PHKB: variants seen among roughly 807,000 people sequenced by gnomAD.
PHKB encodes phosphorylase kinase regulatory subunit beta.
A neutral mutation model predicts 152.1 loss-of-function variants in PHKB; 122 were observed. The ratio of observed to expected loss-of-function variants is 0.80; its 90% CI spans 0.69 to 0.93. PHKB has a LOEUF of 0.93. Ranked by LOEUF, PHKB falls within the 40% of genes least tolerant of loss-of-function variation. The pLI, the probability that PHKB is intolerant of heterozygous loss-of-function variation, is 0.00. For synonymous variants in PHKB, 436 were observed against 464.9 expected (o/e 0.94, Z 0.80); for missense variants, 1,304 against 1,328.4 (o/e 0.98, Z 0.29).
intron 6 of PHKB, among the ~76,000 whole-genome samples, chr16:47,527,230 T>C (rs945587923): frequency 2.0e-5 from 3 of 152,094 alleles, no homozygotes; most frequent in Non-Finnish European, 2.9e-5. Context: ...AAAAGAGTTA[T>C]GATGGAAAAT....
At chr16:47,489,724 A>C (rs1272549739) in intron 1 of PHKB, among the ~76,000 whole-genome samples, 2 of 152,190 alleles carry the variant, frequency 1.3e-5, no homozygotes, top group African/African-American at 4.8e-5. Context: ...CAATGGTATG[A>C]GGCCAGTTTT....
chr16:47,684,962 G>C (rs1004858292), intron 26 of PHKB, among the ~76,000 whole-genome samples: 1 of 152,072 alleles, frequency 6.6e-6, no homozygotes, highest in East Asian at 1.9e-4. Flanking sequence ...GCTTGTTGGC[G>C]AGTAGAGCAT....
chr16:47,569,723 C>T (rs762598312), intron 7 of PHKB, among the ~76,000 whole-genome samples: 5 of 152,238 alleles, frequency 3.3e-5, no homozygotes, highest in Non-Finnish European at 5.9e-5. Flanking sequence ...CAGGCTTAAG[C>T]GATCCTCCTA....
At chr16:47,660,290 C>T (rs1597158030) in intron 20 of PHKB, among the ~76,000 whole-genome samples, 1 of 152,166 alleles carries the variant, frequency 6.6e-6, no homozygotes, top group Non-Finnish European at 1.5e-5. Flanking sequence ...GACTCATAAA[C>T]TTGTAACGAT....
rs1974238678 is a variant in PHKB, at chr16:47,700,995, G to A, written c.*1629G>A. The stretch of plus-strand genomic sequence containing the variant: ...GAATGAGACACAGTTGGGCCCTAAA[G>A]AACTAAGGAGGGGGATTGACAAAGA... On this transcript the variant is annotated 3_prime_UTR_variant, in exon 31 of 31. Coordinates refer to ENST00000323584, the MANE Select transcript of PHKB (RefSeq NM_000293.3). The A allele has an allele frequency of 2.0e-5, 3 of 152,150 alleles. No individual in the cohort carries two copies. The highest frequency in any genetic ancestry group is 2.0e-4 in the Admixed American group (3 of 15,274). 9.4% of individuals were successfully genotyped at this position (152,150 alleles called of 1,614,324 possible). A position where few individuals can be genotyped will look rare whatever the true frequency, so the allele number is the denominator to read the frequency against.
chr16:47,484,859 A>G (rs1567274783), intron 1 of PHKB, among the ~76,000 whole-genome samples: 1 of 152,268 alleles, frequency 6.6e-6, no homozygotes, highest in Non-Finnish European at 1.5e-5. Flanking sequence ...GTAAATGCAT[A>G]TAATATTTTC....
In PHKB at chr16:47,461,419, G is replaced by T. The variant is rs774446284; in HGVS notation, c.69G>T (p.Lys23Asn). 6.2e-7 allele frequency: 1 copy of T among 1,613,324 alleles called. No individual in the cohort carries two copies. The highest frequency in any genetic ancestry group is 8.5e-7 in the Non-Finnish European group (1 of 1,179,806). ...TCTTGGAGCGAAGAGCTCGGACCAA[G>T]CGCTCAGGTTTGGCTGGCTGGGGCG... Reference protein sequence around the residue: ...WKVLERRARTKRSGSVYEPLK... With the variant: ...WKVLERRARTNRSGSVYEPLK... Residue 23 changes from lysine (K) to asparagine (N), a missense_variant, in exon 1 of 31, where the codon AAG (lysine) becomes AAT (asparagine). Physicochemically the swap from Lys to Asn is moderately conservative, Grantham distance 94. Transcript: ENST00000323584.
At chr16:47,471,892 A>G (rs2151628498) in intron 1 of PHKB, among the ~76,000 whole-genome samples, 1 of 152,208 alleles carries the variant, frequency 6.6e-6, no homozygotes, top group African/African-American at 2.4e-5. Context: ...CCTCTCTACT[A>G]AAAATACAAA....
chr16:47,498,717 A>T (rs1970274279), intron 2 of PHKB, among the ~76,000 whole-genome samples: 1 of 152,174 alleles, frequency 6.6e-6, no homozygotes, highest in Admixed American at 6.5e-5. Flanking sequence ...CCTGGGCAAC[A>T]TAACAAGCCC....
In PHKB at chr16:47,530,680, T is replaced by C. The variant is rs187009063; in HGVS notation, c.594+15079T>C. On this transcript the variant is annotated intron_variant, in intron 6 of 30. Transcript: ENST00000323584. ...ATATGGAGAGCAATAATTTTATCTA[T>C]AGAGCAGCAATAACTAGTCAGAAAA... is the stretch of plus-strand genomic sequence containing the variant. 2.0e-5 allele frequency among the ~76,000 whole-genome samples: 3 copies of C among 152,354 alleles called. No individual in the cohort carries two copies. The East Asian group carries it at 5.8e-4, about 29-fold the overall frequency.
chr16:47,550,941 T>C (rs571236189), intron 7 of PHKB, among the ~76,000 whole-genome samples: 152 of 152,314 alleles, frequency 1.0e-3, no homozygotes, highest in Admixed American at 2.9e-3. Context: ...TGGTTTAGTC[T>C]TGGGAGGGTG....
At chr16:47,677,325 C>G (rs915712796) in intron 26 of PHKB, among the ~76,000 whole-genome samples, 3 of 152,096 alleles carry the variant, frequency 2.0e-5, no homozygotes, top group Admixed American at 6.5e-5. Context: ...TAATATGAAT[C>G]AAGCAAAAAA....
At chr16:47,524,087 T>C (rs1267412824) in intron 6 of PHKB, among the ~76,000 whole-genome samples, 3 of 152,216 alleles carry the variant, frequency 2.0e-5, no homozygotes, top group Non-Finnish European at 2.9e-5. Flanking sequence ...GCCATTTTTC[T>C]TGATTTAATG....
intron 13 of PHKB, among the ~76,000 whole-genome samples, chr16:47,603,656 A>G (rs1972274091): frequency 6.6e-6 from 1 of 151,970 alleles, no homozygotes; most frequent in African/African-American, 2.4e-5. Context: ...GGTGCTCACC[A>G]CCACGCCCGG....
At chr16:47,514,328 A>G (rs1970559470) in intron 5 of PHKB, among the ~76,000 whole-genome samples, 1 of 152,178 alleles carries the variant, frequency 6.6e-6, no homozygotes, top group East Asian at 1.9e-4. Context: ...GATGCCACTA[A>G]TGTGGCTTAG....
intron 14 of PHKB, among the ~76,000 whole-genome samples, chr16:47,633,959 T>G (rs999728569): frequency 2.0e-5 from 3 of 152,176 alleles, no homozygotes; most frequent in Non-Finnish European, 4.4e-5. Flanking sequence ...AACCTGACCA[T>G]AAATCGCAGA....
rs756691350 is a variant in PHKB at position 47,504,842 on chromosome 16, C to T, written c.405+1752C>T. On this transcript the variant is annotated intron_variant, in intron 4 of 30. Coordinates refer to ENST00000323584, the MANE Select transcript of PHKB (RefSeq NM_000293.3). ...CTGAGGTGGGATCCCGAGGCCTCTCCAGTCCCCTGAGGGTGCACCACTGGC... is the reference window on the plus strand; with the variant it reads ...CTGAGGTGGGATCCCGAGGCCTCTCTAGTCCCCTGAGGGTGCACCACTGGC... 5.2e-4 allele frequency among the ~76,000 whole-genome samples: 79 copies of T among 152,368 alleles called. 1 individual carries two copies. Among genetic ancestry groups the T allele is most frequent in the Admixed American group, 4.2e-3 (65 of 15,306 alleles).
intron 7 of PHKB, among the ~76,000 whole-genome samples, chr16:47,553,113 T>C (rs922836535): frequency 2.0e-5 from 3 of 152,148 alleles, no homozygotes; most frequent in African/African-American, 7.2e-5. Context: ...TCCTGGATAA[T>C]ATCTCGAAGA....
chr16:47,565,667 C>T, intron 7 of PHKB: 4 of 1,275,868 alleles, frequency 3.1e-6, no homozygotes, highest in Middle Eastern at 5.3e-4. Flanking sequence ...TCGACCATCC[C>T]TGTTCCTGAG....
Sources: gnomAD v4.1 joint callset for allele counts (sites outside exome capture counted in the v4.1 genomes callset) on GRCh38, gnomAD v4.1.1 for gene constraint, MANE v1.5 for transcripts, NCBI Gene and HGNC (gene_info 2026-07-23, HGNC 2026-07-21) for gene names.